Variants in TBC1D5 observed in about 807,000 individuals in gnomAD.
TBC1D5 encodes TBC1 domain family member 5, also known as TBC1 domain family, member 5.
TBC1D5 carries 75 observed loss-of-function variants against 100.3 expected under a neutral mutation model. The ratio of observed to expected loss-of-function variants is 0.75; its 90% CI spans 0.62 to 0.91. TBC1D5 has a LOEUF of 0.91. Among genes scored for constraint, TBC1D5 ranks in the 40% least tolerant of loss-of-function variants. The pLI is 0.00. For synonymous variants in TBC1D5, 323 were observed against 325.6 expected, an observed-to-expected ratio of 0.99 and a Z score of 0.09; for missense variants, 910 against 942.4, an observed-to-expected ratio of 0.97 and a Z score of 0.45.
At chr3:17,461,234 T>C (rs1302937235) in intron 3 of TBC1D5, among the ~76,000 whole-genome samples, 2 of 152,190 alleles carry the variant, frequency 1.3e-5, no homozygotes, top group Non-Finnish European at 1.5e-5. Flanking sequence ...ACATTTTCAG[T>C]TAATTGTTCA....
At chr3:17,493,156 T>C (rs2095660189) in intron 3 of TBC1D5, among the ~76,000 whole-genome samples, 1 of 152,192 alleles carries the variant, frequency 6.6e-6, no homozygotes, top group Non-Finnish European at 1.5e-5. Flanking sequence ...AGTATTTGCT[T>C]GTCTGAAAAG....
In TBC1D5 at chr3:17,422,128, G is replaced by C. The variant is rs536026881; in HGVS notation, c.167+6322C>G. On this transcript the variant is annotated intron_variant, in intron 4 of 21. Transcript: ENST00000253692. ...TCATATAACTTCTAGCAAATAAATT[G>C]ATTGAGCCAATATTCTGTTTTTGTT... 1.2e-4 allele frequency among the ~76,000 whole-genome samples: 18 copies of C among 152,130 alleles called. No individual in the cohort carries two copies. The South Asian group carries it at 3.7e-3, about 32-fold the overall frequency.
intron 3 of TBC1D5, among the ~76,000 whole-genome samples, chr3:17,495,323 A>G (rs765450634): frequency 1.3e-5 from 2 of 152,248 alleles, no homozygotes; most frequent in African/African-American, 2.4e-5. Context: ...TCATTAACCA[A>G]AAGACTAAAA....
chr3:17,718,659 G>A (rs1374405079), intron 1 of TBC1D5, among the ~76,000 whole-genome samples: 3 of 152,088 alleles, frequency 2.0e-5, no homozygotes, highest in Non-Finnish European at 4.4e-5. Context: ...TCAATGTTAA[G>A]TATATTCACA....
intron 1 of TBC1D5, among the ~76,000 whole-genome samples, chr3:17,680,651 G>T (rs2069325323): frequency 6.6e-6 from 1 of 151,126 alleles, no homozygotes; most frequent in Non-Finnish European, 1.5e-5. Flanking sequence ...TATTGTTTTT[G>T]TTGTTATTGC....
chr3:17,424,211 AGTAAG>A (rs2094285121), intron 4 of TBC1D5, among the ~76,000 whole-genome samples: 1 of 152,174 alleles, frequency 6.6e-6, no homozygotes, highest in Non-Finnish European at 1.5e-5. Context: ...TATACCATCT[AGTAAG>A]ATAATTAAAA....
At chr3:17,675,101 A>G (rs35270779) in intron 1 of TBC1D5, among the ~76,000 whole-genome samples, 1 of 152,200 alleles carries the variant, frequency 6.6e-6, no homozygotes, top group East Asian at 1.9e-4. Context: ...ATCAAAAAGT[A>G]AAAAATAAAT....
rs577560054 is a variant in TBC1D5, at chr3:17,339,189, A to G, written c.996-31055T>C. 1.4e-4 allele frequency among the ~76,000 whole-genome samples: 21 copies of G among 152,348 alleles called. No individual in the cohort carries two copies. In the South Asian group the frequency reaches 3.7e-3, roughly 27 times the overall value. On this transcript the variant is annotated intron_variant, in intron 13 of 21. Transcript: ENST00000253692. ...GCTGTTTCTAATTATTCCAATTATC[A>G]TGGCACACTATGAAAACTTGATTAA... is the stretch of plus-strand genomic sequence containing the variant.
At chr3:17,591,233 CA>C (rs60889092) in intron 2 of TBC1D5, among the ~76,000 whole-genome samples, 14 of 18,664 alleles carry the variant, frequency 7.5e-4, no homozygotes, top group African/African-American at 1.4e-3. Context: ...AAGGATCTGT[CA>C]AAAAAAAAAA....
intron 1 of TBC1D5, among the ~76,000 whole-genome samples, chr3:17,721,244 T>A (rs1184314634): frequency 6.6e-6 from 1 of 152,216 alleles, no homozygotes; most frequent in Admixed American, 6.5e-5. Context: ...TAGAAATAAG[T>A]ATTCTTAAAC....
intron 4 of TBC1D5, 89 bp downstream of exon 4, chr3:17,428,361 A>C (rs1365389054): frequency 4.8e-6 from 2 of 418,132 alleles, no homozygotes; most frequent in Non-Finnish European, 7.2e-6. Context: ...ACCCTATATA[A>C]TTATATATCT....
At chr3:17,334,827 T>C (rs940000545) in intron 13 of TBC1D5, among the ~76,000 whole-genome samples, 5 of 152,174 alleles carry the variant, frequency 3.3e-5, no homozygotes, top group Non-Finnish European at 5.9e-5. Flanking sequence ...TTCAGCAAGG[T>C]AATTGCAGTT....
At chr3:17,367,325 G>A (rs994278369) in intron 13 of TBC1D5, among the ~76,000 whole-genome samples, 7 of 152,140 alleles carry the variant, frequency 4.6e-5, no homozygotes, top group East Asian at 1.9e-4. Flanking sequence ...GAATTGTAAC[G>A]CAAATATTTT....
rs577231931 is a variant in TBC1D5 at position 17,674,948 on chromosome 3, T to C, written c.-100-51035A>G. On this transcript the variant is annotated intron_variant, in intron 1 of 21. Coordinates refer to ENST00000253692, the Ensembl canonical transcript of TBC1D5. ...GAATTTAAATGAAAATACGTGAACATAGAATAAAGAATCCCAACCATGTTT... is the reference window on the plus strand; with the variant it reads ...GAATTTAAATGAAAATACGTGAACACAGAATAAAGAATCCCAACCATGTTT... Among the ~76,000 whole-genome samples, 434 of 152,150 alleles carry C rather than the reference T, an allele frequency of 2.9e-3. 10 individuals are homozygous for C. Among genetic ancestry groups the C allele is most frequent in the Admixed American group, 3.7e-3 (57 of 15,274 alleles).
chr3:17,662,264 T>A (rs1400557182), intron 1 of TBC1D5, among the ~76,000 whole-genome samples: 3 of 152,224 alleles, frequency 2.0e-5, no homozygotes, highest in African/African-American at 7.2e-5. Context: ...ATTTATCTTC[T>A]CAGATCCTAT....
At chr3:17,411,133 CACA>C (rs1041333852) in intron 4 of TBC1D5, among the ~76,000 whole-genome samples, 1 of 151,964 alleles carries the variant, frequency 6.6e-6, no homozygotes, top group Non-Finnish European at 1.5e-5. Context: ...AGTGGGAAGC[CACA>C]ACAACAAGGC....
At chr3:17,725,665 G>C (rs372106842) in intron 1 of TBC1D5, among the ~76,000 whole-genome samples, 17 of 152,242 alleles carry the variant, frequency 1.1e-4, no homozygotes, top group African/African-American at 4.1e-4. Flanking sequence ...TTAATACTCT[G>C]CTTCTCTCTC....
intron 13 of TBC1D5, chr3:17,338,435 T>G (rs1343099533): frequency 6.6e-6 from 1 of 152,218 alleles, no homozygotes; most frequent in Non-Finnish European, 1.5e-5. Flanking sequence ...TCTGTTTGCC[T>G]GAGTACTCCG....
intron 13 of TBC1D5, among the ~76,000 whole-genome samples, chr3:17,346,922 G>C (rs1452096811): frequency 2.0e-5 from 3 of 152,130 alleles, no homozygotes; most frequent in Admixed American, 2.0e-4. Flanking sequence ...TTCACTATTA[G>C]TATAAGCTAA....
Sources: allele counts gnomAD v4.1 joint callset (sites outside exome capture counted in the v4.1 genomes callset), GRCh38; gene constraint gnomAD v4.1.1; transcripts MANE v1.5; gene names NCBI Gene and HGNC (gene_info 2026-07-23, HGNC 2026-07-21).